CDKAL1: variants seen among roughly 807,000 people sequenced by gnomAD.
The protein encoded by CDKAL1 is CDKAL1 threonylcarbamoyladenosine tRNA methylthiotransferase, also known as threonylcarbamoyladenosine tRNA methylthiotransferase.
CDKAL1 carries 32 observed loss-of-function variants against 68.2 expected under a neutral mutation model. That is an observed-to-expected ratio of 0.47 (90% CI 0.35 to 0.63). The LOEUF (loss-of-function observed/expected upper bound fraction) is 0.63. Among genes scored for constraint, CDKAL1 ranks in the 30% least tolerant of loss-of-function variants. The pLI, the probability that CDKAL1 is intolerant of heterozygous loss-of-function variation, is 0.00. For missense variants in CDKAL1, 606 were observed against 696.7 expected, an observed-to-expected ratio of 0.87 and a Z score of 1.47; for synonymous variants, 234 against 244.3, an observed-to-expected ratio of 0.96 and a Z score of 0.39.
intron 5 of CDKAL1, among the ~76,000 whole-genome samples, chr6:20,675,618 C>T (rs28823314): frequency 0.093 from 14,078 of 152,052 alleles, 2,095 homozygotes; most frequent in African/African-American, 0.32. Flanking sequence ...GAAGTGTTTC[C>T]GGTGTTGCTG....
chr6:21,172,431 T>C (rs1239430266), intron 13 of CDKAL1, among the ~76,000 whole-genome samples: 2 of 152,180 alleles, frequency 1.3e-5, no homozygotes. Context: ...TTCTGTAGCA[T>C]GGGGATTGTG....
At chr6:21,116,869 A>G (rs540004316) in intron 13 of CDKAL1, among the ~76,000 whole-genome samples, 49 of 152,328 alleles carry the variant, frequency 3.2e-4, no homozygotes, top group African/African-American at 1.2e-3. Context: ...GTCATTGGTT[A>G]TATACTTCCT....
At chr6:21,222,392 G>A (rs576968175) in intron 15 of CDKAL1, among the ~76,000 whole-genome samples, 5 of 152,266 alleles carry the variant, frequency 3.3e-5, no homozygotes, top group South Asian at 2.1e-4. Context: ...CTGTGTGACC[G>A]AGGTCTTATA....
At chr6:20,700,264 A>C (rs910087017) in intron 5 of CDKAL1, among the ~76,000 whole-genome samples, 4 of 152,000 alleles carry the variant, frequency 2.6e-5, no homozygotes, top group African/African-American at 9.7e-5. Flanking sequence ...CTGAGGCAGG[A>C]GAATCACTTG....
chr6:21,069,075 T>C (rs1771610820), intron 12 of CDKAL1, among the ~76,000 whole-genome samples: 1 of 152,108 alleles, frequency 6.6e-6, no homozygotes, highest in Non-Finnish European at 1.5e-5. Context: ...CTGTAGGGTA[T>C]TTTTTTAGAT....
chr6:20,699,574 A>C (rs1771251498), intron 5 of CDKAL1, among the ~76,000 whole-genome samples: 1 of 152,030 alleles, frequency 6.6e-6, no homozygotes, highest in Non-Finnish European at 1.5e-5. Flanking sequence ...AATTACTGAA[A>C]TCATGTGTTT....
intron 8 of CDKAL1, among the ~76,000 whole-genome samples, chr6:20,810,184 G>A (rs996012982): frequency 6.6e-5 from 10 of 151,990 alleles, no homozygotes; most frequent in African/African-American, 2.4e-4. Flanking sequence ...TACTTACCTA[G>A]CTGCAGCAAT....
At chr6:20,742,979 A>G (rs1202032655) in intron 6 of CDKAL1, among the ~76,000 whole-genome samples, 5 of 152,278 alleles carry the variant, frequency 3.3e-5, no homozygotes, top group Admixed American at 2.6e-4. Flanking sequence ...ACCTTTAGAG[A>G]GACCTACTTT....
intron 6 of CDKAL1, chr6:20,756,858 T>TCCTTCCTTTCTTCCTTCCTTCTCC (rs1774207064): frequency 2.6e-5 from 1 of 38,754 alleles, no homozygotes; most frequent in African/African-American, 1.3e-4. Context: ...CTTCTCCCCT[T>TCCTTCCTTTCTTCCTTCCTTCTCC]CCTTCCTTCC....
chr6:20,631,809 A>C (rs1365285505), intron 4 of CDKAL1, among the ~76,000 whole-genome samples: 3 of 152,208 alleles, frequency 2.0e-5, no homozygotes, highest in Non-Finnish European at 4.4e-5. Flanking sequence ...GGTAGGGTTC[A>C]GGCTTGGGGA....
intron 5 of CDKAL1, among the ~76,000 whole-genome samples, chr6:20,730,780 G>T (rs1172956506): frequency 1.3e-5 from 2 of 149,810 alleles, no homozygotes; most frequent in African/African-American, 4.9e-5. Flanking sequence ...GGAGGTGGAG[G>T]TTGCAGTGAG....
At chr6:21,211,419 C>G (rs1167772038) in intron 15 of CDKAL1, among the ~76,000 whole-genome samples, 2 of 152,194 alleles carry the variant, frequency 1.3e-5, no homozygotes, top group East Asian at 3.9e-4. Context: ...TCAGGGCTAA[C>G]ATAACAGAGG....
rs141227225 is a variant in CDKAL1, at chr6:20,945,071, T to TACACACACACACAC, written c.743-10336_743-10323dup. Among the ~76,000 whole-genome samples the TACACACACACACAC allele has an allele frequency of 4.0e-4, 60 of 150,384 alleles. 1 individual carries two copies. Among genetic ancestry groups the TACACACACACACAC allele is most frequent in the East Asian group, 1.8e-3 (9 of 5,078 alleles). ...AACAGTGCATATGTGCACACACACG[T>TACACACACACACAC]ACACACACACACACACACACACACA... is the stretch of plus-strand genomic sequence containing the variant. On this transcript the variant is annotated intron_variant, in intron 9 of 15. Transcript: ENST00000274695.
At chr6:20,548,753 A>C in intron 4 of CDKAL1, 48 bp downstream of exon 4, 1 of 856,186 alleles carries the variant, frequency 1.2e-6, no homozygotes, top group Non-Finnish European at 1.9e-6. Context: ...TTCAGAATTA[A>C]GCTTTTAGAG....
intron 5 of CDKAL1, among the ~76,000 whole-genome samples, chr6:20,663,399 G>T (rs1407697969): frequency 6.6e-6 from 1 of 151,960 alleles, no homozygotes; most frequent in Non-Finnish European, 1.5e-5. Flanking sequence ...TCATTTATCA[G>T]GTCCATTGTA....
In CDKAL1 at chr6:20,721,873, C is replaced by T. The variant is rs972459076; in HGVS notation, c.372-17646C>T. On this transcript the variant is annotated intron_variant, in intron 5 of 15. Transcript: ENST00000274695. ...TCAGCCTCCCGAGTAGCTGGGACTACAGGCTTGTGCCACCACACCTGGCTA... is the reference window on the plus strand; with the variant it reads ...TCAGCCTCCCGAGTAGCTGGGACTATAGGCTTGTGCCACCACACCTGGCTA... Among the ~76,000 whole-genome samples, 8 of 151,838 alleles carry T rather than the reference C, an allele frequency of 5.3e-5. No homozygotes were observed. The East Asian group carries it at 1.2e-3, about 22-fold the overall frequency.
chr6:20,575,441 CAAAAA>C (rs57442477), intron 4 of CDKAL1, among the ~76,000 whole-genome samples: 1 of 94,338 alleles, frequency 1.1e-5, no homozygotes, highest in Non-Finnish European at 2.2e-5. Flanking sequence ...AGGGGCACCA[CAAAAA>C]AAAAAAAAAA....
At chr6:20,558,952 T>G (rs1469466507) in intron 4 of CDKAL1, 1 of 215,810 alleles carries the variant, frequency 4.6e-6, no homozygotes, top group Non-Finnish European at 9.4e-6. Flanking sequence ...AAAAGGATGT[T>G]TAATACTCTT....
chr6:21,013,823 G>A (rs1022422041), intron 11 of CDKAL1, among the ~76,000 whole-genome samples: 4 of 152,068 alleles, frequency 2.6e-5, no homozygotes, highest in African/African-American at 9.7e-5. Flanking sequence ...GGATTGGTTT[G>A]GGCTGTCAAT....
Sources: gnomAD v4.1 joint callset for allele counts (sites outside exome capture counted in the v4.1 genomes callset) on GRCh38, gnomAD v4.1.1 for gene constraint, MANE v1.5 for transcripts, NCBI Gene and HGNC (gene_info 2026-07-23, HGNC 2026-07-21) for gene names.